Variants in TAMM41 observed in about 807,000 individuals in gnomAD.
The protein encoded by TAMM41 is TAM41 mitochondrial translocator assembly and maintenance homolog, also known as phosphatidate cytidylyltransferase, mitochondrial.
In TAMM41, 36 loss-of-function variants were observed where a neutral mutation model predicts 44.1. The observed-to-expected ratio is 0.82, with a 90% CI of 0.63 to 1.08. The LOEUF is 1.08. Ranked by LOEUF, TAMM41 falls within the 50% of genes least tolerant of loss-of-function variation. TAMM41 has a pLI of 0.00. For missense variants in TAMM41, 417 were observed against 404.3 expected (o/e 1.03, Z -0.27); for synonymous variants, 164 against 153.1 (o/e 1.07, Z -0.53).
the TAMM41 span, among the ~76,000 whole-genome samples, chr3:11,777,800 G>T: frequency 1.4e-4 from 22 of 151,902 alleles, no homozygotes; most frequent in African/African-American, 5.3e-4. Context: ...TCTCAAAAAA[G>T]AAAAAAAGTG....
At chr3:11,811,058 G>A (rs569199007) in intron 5 of TAMM41, 2 of 152,002 alleles carry the variant, frequency 1.3e-5, no homozygotes, top group East Asian at 3.9e-4. Context: ...TGGGTGACAA[G>A]ACCAAGATGG....
At chr3:11,753,016 G>A in the TAMM41 span, among the ~76,000 whole-genome samples, 1 of 152,020 alleles carries the variant, frequency 6.6e-6, no homozygotes, top group East Asian at 1.9e-4. Flanking sequence ...GTACATGTCC[G>A]AAGGGGTTCA....
At chr3:11,786,987 C>G (rs889215018), downstream of TAMM41, among the ~76,000 whole-genome samples, 1 of 152,210 alleles carries the variant, frequency 6.6e-6, no homozygotes, top group Non-Finnish European at 1.5e-5. Flanking sequence ...CCTGCTTGGG[C>G]TCTCTTGTTC....
chr3:11,742,718 C>T, the TAMM41 span, among the ~76,000 whole-genome samples: 690 of 149,314 alleles, frequency 4.6e-3, 9 homozygotes, highest in Non-Finnish European at 6.8e-3. Context: ...TCCTGAATAG[C>T]GGGGACTACA....
intron 3 of TAMM41, 139 bp from the exon 4 acceptor site, chr3:11,830,003 G>A: frequency 2.6e-6 from 2 of 761,432 alleles, no homozygotes; most frequent in South Asian, 2.0e-5. Flanking sequence ...ACACAAAATT[G>A]TTCCTCTAAT....
intron 7 of TAMM41, among the ~76,000 whole-genome samples, chr3:11,803,805 C>G (rs1379453812): frequency 6.6e-6 from 1 of 152,122 alleles, no homozygotes; most frequent in African/African-American, 2.4e-5. Flanking sequence ...GAACTGGAGG[C>G]CACGTGTATA....
the TAMM41 span, among the ~76,000 whole-genome samples, chr3:11,735,632 T>C: frequency 1.3e-5 from 2 of 152,078 alleles, no homozygotes; most frequent in Non-Finnish European, 2.9e-5. Flanking sequence ...GATACCTTAT[T>C]TCAAAAAGGA....
chr3:11,755,129 C>G, the TAMM41 span, among the ~76,000 whole-genome samples: 1 of 150,892 alleles, frequency 6.6e-6, no homozygotes, highest in African/African-American at 2.5e-5. Context: ...CCCTCCTCCC[C>G]TCATCCTGCT....
At chr3:11,743,698 C>G in the TAMM41 span, among the ~76,000 whole-genome samples, 1 of 152,148 alleles carries the variant, frequency 6.6e-6, no homozygotes, top group Non-Finnish European at 1.5e-5. Flanking sequence ...TTGTTCACAG[C>G]TGAGAGCTCT....
chr3:11,726,102 A>G, the TAMM41 span, among the ~76,000 whole-genome samples: 1 of 152,248 alleles, frequency 6.6e-6, no homozygotes, highest in South Asian at 2.1e-4. Flanking sequence ...AATTGCTCGT[A>G]GTACATATAG....
chr3:11,803,608 C>G (rs776822519), intron 7 of TAMM41, among the ~76,000 whole-genome samples: 11 of 151,438 alleles, frequency 7.3e-5, no homozygotes, highest in Non-Finnish European at 1.2e-4. Flanking sequence ...AAAACAAAAA[C>G]AAAAAAAACC....
intron 4 of TAMM41, among the ~76,000 whole-genome samples, chr3:11,818,770 C>T (rs1220355875): frequency 2.6e-5 from 4 of 151,560 alleles, no homozygotes; most frequent in African/African-American, 7.3e-5. Flanking sequence ...TGGTGGCAGG[C>T]GCCTGTAGTC....
Position 11,802,017 on chromosome 3 carries a change from AAGACC to A in TAMM41, c.937+5811_937+5815del, listed in dbSNP as rs545874098. Among the ~76,000 whole-genome samples the A allele has an allele frequency of 4.6e-5, 7 of 152,238 alleles. No individual in the cohort carries two copies. The South Asian group carries it at 1.5e-3, about 32-fold the overall frequency. ...TGGCGGATCGAGATTCTAGGAGTTC[AAGACC>A]AGCCAGGGCAATGTGGCAAAATCTC... On this transcript the variant is annotated intron_variant, in intron 7 of 7. Transcript: ENST00000455809.
At chr3:11,732,012 A>G in the TAMM41 span, among the ~76,000 whole-genome samples, 1 of 152,134 alleles carries the variant, frequency 6.6e-6, no homozygotes, top group Non-Finnish European at 1.5e-5. Context: ...TATTACAAGC[A>G]TGCATCACCA....
chr3:11,787,999 T>G (rs1376417296), downstream of TAMM41, among the ~76,000 whole-genome samples: 4 of 152,170 alleles, frequency 2.6e-5, no homozygotes, highest in Non-Finnish European at 5.9e-5. Flanking sequence ...AAGACACAAG[T>G]ATTCATCATT....
chr3:11,727,099 A>G, the TAMM41 span, among the ~76,000 whole-genome samples: 2 of 152,230 alleles, frequency 1.3e-5, no homozygotes, highest in Non-Finnish European at 2.9e-5. Flanking sequence ...GTGCTTTACA[A>G]CAAGTACCGA....
At chr3:11,779,984 C>T in the TAMM41 span, among the ~76,000 whole-genome samples, 1 of 152,216 alleles carries the variant, frequency 6.6e-6, no homozygotes, top group Non-Finnish European at 1.5e-5. Flanking sequence ...CTAGACATCA[C>T]TTCAATCTGT....
the TAMM41 span, among the ~76,000 whole-genome samples, chr3:11,750,329 G>T: frequency 6.6e-6 from 1 of 152,030 alleles, no homozygotes; most frequent in Non-Finnish European, 1.5e-5. Flanking sequence ...TTGAGGGACA[G>T]GGCCTTACTC....
rs2078313391 is a variant in TAMM41 at position 11,817,197 on chromosome 3, G to A, written c.703C>T (p.Leu235=). 1 of 1,609,988 alleles carries A rather than the reference G, an allele frequency of 6.2e-7. No homozygotes were observed. The highest frequency in any genetic ancestry group is 2.2e-5 in the East Asian group (1 of 44,818). ...TATTTTCCACATACAGTTACCTCCAGCCAGCCTTGCTGGCTTTTATACACC... is the reference window on the plus strand; with the variant it reads ...TATTTTCCACATACAGTTACCTCCAACCAGCCTTGCTGGCTTTTATACACC... ...QVVYKSQQGW[L]EIDKSPEGQF... The change falls in exon 5 of 8, where the codon CTG becomes TTG. Residue 235 remains leucine (L), a synonymous_variant. Coordinates refer to ENST00000455809, the MANE Select transcript of TAMM41 (RefSeq NM_001284401.2).
Sources: allele counts gnomAD v4.1 joint callset (sites outside exome capture counted in the v4.1 genomes callset), GRCh38; gene constraint gnomAD v4.1.1; transcripts MANE v1.5; gene names NCBI Gene and HGNC (gene_info 2026-07-23, HGNC 2026-07-21).